TRDN: variants seen among roughly 807,000 people sequenced by gnomAD.
TRDN encodes triadin in skeletal muscle.
Under a neutral mutation model 149.7 loss-of-function variants are expected in TRDN, and 161 were observed. The observed-to-expected ratio is 1.08, with a 90% CI of 0.95 to 1.23. The LOEUF (loss-of-function observed/expected upper bound fraction) is 1.23, where lower values mean the gene tolerates loss of function less well. Among genes scored for constraint, TRDN ranks in the 50% most tolerant of loss-of-function variants. TRDN has a pLI of 0.00. For missense variants in TRDN, 896 were observed against 823.5 expected, an observed-to-expected ratio of 1.09 and a Z score of -1.08; for synonymous variants, 294 against 250.5, an observed-to-expected ratio of 1.17 and a Z score of -1.64.
chr6:123,489,601 A>C (rs1328969465), intron 9 of TRDN: 2 of 152,174 alleles, frequency 1.3e-5, no homozygotes, highest in African/African-American at 4.8e-5. Context: ...GACAATTTTA[A>C]ACATGTAAGG....
At position 123,217,570 on chromosome 6, in the gene TRDN, T is replaced by C. The variant is rs1775003475; in HGVS notation, c.*1031A>G. On this transcript the variant is annotated 3_prime_UTR_variant, in exon 41 of 41. Coordinates refer to ENST00000334268, the MANE Select transcript of TRDN (RefSeq NM_006073.4). ...CACTGTCGAGTAGATTAAAAATTGT[T>C]ATCCATGTCATTGGCACTGATGACC... is the stretch of plus-strand genomic sequence containing the variant. 6.6e-6 allele frequency: 1 copy of C among 151,952 alleles called. No individual in the cohort carries two copies. Among genetic ancestry groups the C allele is most frequent in the Non-Finnish European group, 1.5e-5 (1 of 67,928 alleles). 9.4% of individuals were successfully genotyped at this position (151,952 alleles called of 1,614,324 possible). A position where few individuals can be genotyped will look rare whatever the true frequency, so the allele number is the denominator to read the frequency against.
chr6:123,248,466 A>C (rs138678281), intron 38 of TRDN, among the ~76,000 whole-genome samples: 1,944 of 152,248 alleles, frequency 0.013, 39 homozygotes, highest in African/African-American at 0.044. Flanking sequence ...CTGAGGCAGA[A>C]GAATTGCTTG....
intron 2 of TRDN, among the ~76,000 whole-genome samples, chr6:123,565,808 G>A (rs1187532988): frequency 1.3e-5 from 2 of 152,186 alleles, no homozygotes; most frequent in Non-Finnish European, 2.9e-5. Flanking sequence ...GTGCAGTTCC[G>A]TGGGGGAAAG....
rs1443094358 is a variant in TRDN at position 123,366,157 on chromosome 6, A to C, written c.1299T>G (p.Ile433Met). The C allele has an allele frequency of 1.9e-6, 3 of 1,613,014 alleles. No individual in the cohort carries two copies. Among genetic ancestry groups the C allele is most frequent in the Non-Finnish European group, 2.5e-6 (3 of 1,179,270 alleles). ...KAKTERAKEE[I>M]GAVSIKKAVP... ...TACCTTTTTTAATTGAAACCGCACCAATCTCCTCTTTGGCTCGTTCAGTTT... is the reference window on the plus strand; with the variant it reads ...TACCTTTTTTAATTGAAACCGCACCCATCTCCTCTTTGGCTCGTTCAGTTT... Residue 433 changes from isoleucine to methionine, a missense_variant, in exon 20 of 41, where the codon ATT becomes ATG. Ile to Met is a conservative substitution (Grantham distance 10). Coordinates refer to ENST00000334268, the MANE Select transcript of TRDN (RefSeq NM_006073.4).
intron 21 of TRDN, among the ~76,000 whole-genome samples, chr6:123,346,144 T>C (rs769918121): frequency 2.6e-5 from 4 of 152,088 alleles, no homozygotes; most frequent in Non-Finnish European, 5.9e-5. Flanking sequence ...CACCATTAAA[T>C]AGAATGTTAG....
rs74637393 is a variant in TRDN at position 123,463,288 on chromosome 6, G to A, written c.931+1618C>T. Among the ~76,000 whole-genome samples, 511 of 151,374 alleles carry A rather than the reference G, an allele frequency of 3.4e-3. 23 individuals carry two copies. In the East Asian group the frequency reaches 0.092, roughly 27 times the overall value. On this transcript the variant is annotated intron_variant, in intron 10 of 40. Transcript: ENST00000334268. The stretch of plus-strand genomic sequence containing the variant: ...GGAGGCGGAGCTTGCAGTGAGCCGA[G>A]ATGGTGCCACTGCACTTCCAGCCTG...
At chr6:123,554,614 A>G (rs1435198260) in intron 2 of TRDN, among the ~76,000 whole-genome samples, 1 of 152,208 alleles carries the variant, frequency 6.6e-6, no homozygotes, top group Non-Finnish European at 1.5e-5. Flanking sequence ...CTGTGAAATT[A>G]CTTAGTCTTT....
chr6:123,359,123 C>T (rs1034020095), intron 20 of TRDN, among the ~76,000 whole-genome samples: 1 of 152,090 alleles, frequency 6.6e-6, no homozygotes, highest in Non-Finnish European at 1.5e-5. Flanking sequence ...TCAGTTTAGT[C>T]TCCAGATACA....
intron 1 of TRDN, among the ~76,000 whole-genome samples, chr6:123,586,572 G>GA (rs1018203085): frequency 6.6e-5 from 10 of 152,166 alleles, no homozygotes; most frequent in Non-Finnish European, 1.3e-4. Context: ...TTGAAGGATG[G>GA]AAAAATTGAA....
In TRDN at chr6:123,349,908, G is replaced by A. The variant is rs1014552712; in HGVS notation, c.1369+2631C>T. 1.0e-5 allele frequency: 10 copies of A among 984,872 alleles called. No individual in the cohort carries two copies. The South Asian group carries it at 1.4e-4, about 14-fold the overall frequency. The allele number at this position is 984,872 out of a possible 1,614,324, so 61.0% of individuals were successfully genotyped here. ...GGGTTTTGCCTGGTGTTGTGACAACGTAAAACACTATTACAATTATGTAGG... is the reference window on the plus strand; with the variant it reads ...GGGTTTTGCCTGGTGTTGTGACAACATAAAACACTATTACAATTATGTAGG... On this transcript the variant is annotated intron_variant, in intron 21 of 40. Coordinates refer to ENST00000334268, the MANE Select transcript of TRDN (RefSeq NM_006073.4).
At chr6:123,356,349 C>T (rs1025825490) in intron 20 of TRDN, among the ~76,000 whole-genome samples, 1 of 151,046 alleles carries the variant, frequency 6.6e-6, no homozygotes, top group African/African-American at 2.4e-5. Flanking sequence ...TCCTTTTATT[C>T]TGGCTAATTA....
chr6:123,593,210 A>G (rs1434652950), intron 1 of TRDN, among the ~76,000 whole-genome samples: 2 of 152,252 alleles, frequency 1.3e-5, no homozygotes, highest in African/African-American at 4.8e-5. Flanking sequence ...TTTATATAAC[A>G]TCTCTGCACC....
At chr6:123,505,660 A>G (rs1351492588) in intron 7 of TRDN, among the ~76,000 whole-genome samples, 1 of 152,166 alleles carries the variant, frequency 6.6e-6, no homozygotes, top group Non-Finnish European at 1.5e-5. Context: ...ATATTGTTTA[A>G]TCATAAAATT....
rs371608143 is a variant in TRDN, at chr6:123,349,427, C to A, written c.1369+3112G>T. 470 of 725,188 alleles carry A rather than the reference C, an allele frequency of 6.5e-4. No homozygotes were observed. The African/African-American group carries it at 8.2e-3, about 13-fold the overall frequency. 44.9% of individuals were successfully genotyped at this position (725,188 alleles called of 1,614,324 possible). On this transcript the variant is annotated intron_variant, in intron 21 of 40. Coordinates refer to ENST00000334268, the MANE Select transcript of TRDN (RefSeq NM_006073.4). ...TTGTGGGCGCTCAATAAATATTAAA[C>A]AACCAAAGCACGAAGTATTGTCAAA...
chr6:123,606,228 T>C (rs1354586804), intron 1 of TRDN, among the ~76,000 whole-genome samples: 1 of 146,490 alleles, frequency 6.8e-6, no homozygotes, highest in Non-Finnish European at 1.5e-5. Context: ...CATAATCAAG[T>C]ATCACTCATA....
chr6:123,282,679 T>G (rs939115042), intron 24 of TRDN, among the ~76,000 whole-genome samples: 3 of 151,794 alleles, frequency 2.0e-5, no homozygotes, highest in Non-Finnish European at 4.4e-5. Flanking sequence ...TTTCATGAAT[T>G]TATTCACAAA....
At chr6:123,339,301 G>A (rs548832144) in intron 21 of TRDN, among the ~76,000 whole-genome samples, 42 of 152,140 alleles carry the variant, frequency 2.8e-4, no homozygotes, top group East Asian at 7.7e-4. Context: ...CACCATGCCC[G>A]GCCATGTATT....
chr6:123,633,982 ACTAGAGCTTT>A (rs1159656261), intron 1 of TRDN, among the ~76,000 whole-genome samples: 1 of 152,048 alleles, frequency 6.6e-6, no homozygotes, highest in Non-Finnish European at 1.5e-5. Context: ...AGAACAGTTA[ACTAGAGCTTT>A]CTAAGGTAAT....
intron 1 of TRDN, among the ~76,000 whole-genome samples, chr6:123,573,819 A>C (rs1020345361): frequency 6.6e-6 from 1 of 152,070 alleles, no homozygotes; most frequent in Non-Finnish European, 1.5e-5. Context: ...ATAATATTTG[A>C]ACCCTTCAAA....
Sources: allele counts gnomAD v4.1 joint callset (sites outside exome capture counted in the v4.1 genomes callset), GRCh38; gene constraint gnomAD v4.1.1; transcripts MANE v1.5; gene names NCBI Gene and HGNC (gene_info 2026-07-23, HGNC 2026-07-21).